USH2A: variants seen among roughly 807,000 people sequenced by gnomAD.
USH2A encodes usherin.
USH2A carries 443 observed loss-of-function variants against 538.9 expected under a neutral mutation model. The ratio of observed to expected loss-of-function variants is 0.82; its 90% confidence interval spans 0.76 to 0.89. USH2A has a LOEUF of 0.89. USH2A is among the 40% of genes least tolerant of loss of function. The pLI is 0.00. For synonymous variants in USH2A, 2,413 were observed against 2,273.5 expected (o/e 1.06, Z -1.75); for missense variants, 6,633 against 6,324.8 (o/e 1.05, Z -1.65).
chr1:215,936,291 T>A (rs954341857), intron 37 of USH2A, among the ~76,000 whole-genome samples: 1 of 152,058 alleles, frequency 6.6e-6, no homozygotes, highest in African/African-American at 2.4e-5. Context: ...TGATCTTGCA[T>A]CGTATAGTAT....
chr1:216,302,482 C>G (rs1243179886), intron 9 of USH2A, among the ~76,000 whole-genome samples: 1 of 151,938 alleles, frequency 6.6e-6, no homozygotes, highest in Non-Finnish European at 1.5e-5. Context: ...ATGACATATC[C>G]CTTTTTCAGT....
chr1:216,033,959 A>C (rs1167425417), intron 32 of USH2A, among the ~76,000 whole-genome samples: 1 of 152,210 alleles, frequency 6.6e-6, no homozygotes, highest in Non-Finnish European at 1.5e-5. Flanking sequence ...AAGATAAAAA[A>C]CTCAGAAAAA....
At position 215,983,658 on chromosome 1, in the gene USH2A, G is replaced by A. The variant is rs375435922; in HGVS notation, c.6805+9362C>T. On this transcript the variant is annotated intron_variant, in intron 35 of 71. Coordinates refer to ENST00000307340, the MANE Select transcript of USH2A (RefSeq NM_206933.4). ...ACACACACACAAAAAACACCTCTCC[G>A]TGTTAAATGTGGATTAAATAAAATT... Among the ~76,000 whole-genome samples the A allele has an allele frequency of 1.4e-4, 21 of 152,210 alleles. No individual in the cohort carries two copies. In the South Asian group the frequency reaches 1.7e-3, roughly 12 times the overall value.
At chr1:216,136,071 A>G (rs2033481868) in intron 21 of USH2A, among the ~76,000 whole-genome samples, 1 of 152,116 alleles carries the variant, frequency 6.6e-6, no homozygotes, top group South Asian at 2.1e-4. Context: ...TTGCATATTA[A>G]TACCCTCATG....
intron 19 of USH2A, among the ~76,000 whole-genome samples, chr1:216,196,256 T>A (rs2034839510): frequency 6.6e-6 from 1 of 152,088 alleles, no homozygotes; most frequent in South Asian, 2.1e-4. Context: ...AACATGATAG[T>A]ACACAGTTAA....
chr1:216,123,260 T>C (rs1383544836), intron 21 of USH2A, among the ~76,000 whole-genome samples: 1 of 152,148 alleles, frequency 6.6e-6, no homozygotes, highest in African/African-American at 2.4e-5. Flanking sequence ...TTGCAGAAAA[T>C]ACAGAAGGAT....
chr1:215,921,618 G>C (rs938412698), intron 38 of USH2A, among the ~76,000 whole-genome samples: 2 of 152,038 alleles, frequency 1.3e-5, no homozygotes, highest in African/African-American at 2.4e-5. Flanking sequence ...CATATGAACA[G>C]TCAGTAGAAG....
At chr1:215,630,386 A>ATACATAC (rs1239909326) in intron 70 of USH2A, 4 of 408,412 alleles carry the variant, frequency 9.8e-6, no homozygotes, top group African/African-American at 8.3e-5. Context: ...ATATCCTAGG[A>ATACATAC]TACATACCTG....
At chr1:216,182,225 T>G (rs2034508353) in intron 20 of USH2A, among the ~76,000 whole-genome samples, 1 of 152,106 alleles carries the variant, frequency 6.6e-6, no homozygotes, top group African/African-American at 2.4e-5. Flanking sequence ...TTTTGCCTAT[T>G]TAATTTCTTT....
chr1:216,040,597 G>A (rs2030231981), intron 32 of USH2A, among the ~76,000 whole-genome samples: 1 of 151,958 alleles, frequency 6.6e-6, no homozygotes, highest in African/African-American at 2.4e-5. Flanking sequence ...CTACAGTCTG[G>A]ATAGTCATCA....
intron 35 of USH2A, 68 bp downstream of exon 35, chr1:215,992,952 G>C: frequency 1.2e-6 from 2 of 1,604,862 alleles, no homozygotes; most frequent in Non-Finnish European, 1.7e-6. Context: ...CATATAAGCT[G>C]CCATTTAGAA....
intron 4 of USH2A, among the ~76,000 whole-genome samples, chr1:216,356,390 T>C (rs2038392363): frequency 6.6e-6 from 1 of 152,052 alleles, no homozygotes; most frequent in Admixed American, 6.6e-5. Flanking sequence ...TTTTAATTCT[T>C]ATTATAAAAT....
Position 216,289,547 on chromosome 1 carries a change from AC to A in USH2A, c.1841-138del, listed in dbSNP as rs1571665571. ...CCGTTTTAATGCACCTTTCATCTCT[AC>A]CTGCCAATTTAGTGATCCAGAGCAT... On this transcript the variant is annotated intron_variant, in intron 10 of 71. Transcript: ENST00000307340. 5.2e-6 allele frequency: 6 copies of A among 1,144,508 alleles called. No homozygotes were observed. In the East Asian group the frequency reaches 1.5e-4, roughly 29 times the overall value. 70.9% of individuals were successfully genotyped at this position (1,144,508 alleles called of 1,614,324 possible). A position where few individuals can be genotyped will look rare whatever the true frequency, so the allele number is the denominator to read the frequency against.
chr1:215,699,409 A>G (rs180910595), intron 61 of USH2A, among the ~76,000 whole-genome samples: 1 of 152,312 alleles, frequency 6.6e-6, no homozygotes, highest in East Asian at 1.9e-4. Flanking sequence ...TACTTTGGGC[A>G]GTATGGCCAT....
intron 30 of USH2A, among the ~76,000 whole-genome samples, chr1:216,066,711 A>T (rs2031386933): frequency 6.6e-6 from 1 of 152,174 alleles, no homozygotes; most frequent in South Asian, 2.1e-4. Flanking sequence ...AAGCAAACAG[A>T]GGTTTATTGA....
At chr1:215,756,590 C>T (rs1294519620) in intron 58 of USH2A, among the ~76,000 whole-genome samples, 1 of 151,998 alleles carries the variant, frequency 6.6e-6, no homozygotes, top group Non-Finnish European at 1.5e-5. Flanking sequence ...TTTTGTGGTG[C>T]AAAAACACAA....
chr1:216,266,828 T>C (rs2036482113), intron 11 of USH2A, among the ~76,000 whole-genome samples: 1 of 151,968 alleles, frequency 6.6e-6, no homozygotes, highest in Non-Finnish European at 1.5e-5. Context: ...TTATTGAATC[T>C]AGGAAGAATG....
rs893980098 is a variant in USH2A, at chr1:215,673,952, C to T, written c.13811+148G>A. ...CAGGCTTTGCTTGGGTGAGGATGTGCTTTGTCTACTATGCACGTTTAGGTG... is the reference window on the plus strand; with the variant it reads ...CAGGCTTTGCTTGGGTGAGGATGTGTTTTGTCTACTATGCACGTTTAGGTG... On this transcript the variant is annotated intron_variant, in intron 63 of 71. Coordinates refer to ENST00000307340, the MANE Select transcript of USH2A (RefSeq NM_206933.4). 5 of 1,384,142 alleles carry T rather than the reference C, an allele frequency of 3.6e-6. No homozygotes were observed. The Admixed American group carries it at 8.9e-5, about 25-fold the overall frequency. The allele number at this position is 1,384,142 out of a possible 1,614,324, so 85.7% of individuals were successfully genotyped here.
intron 32 of USH2A, among the ~76,000 whole-genome samples, chr1:216,001,099 C>T (rs1400683975): frequency 6.6e-6 from 1 of 152,124 alleles, no homozygotes; most frequent in Non-Finnish European, 1.5e-5. Flanking sequence ...CCTAACACTC[C>T]TTGCTGTCAC....
Sources: allele counts gnomAD v4.1 joint callset (sites outside exome capture counted in the v4.1 genomes callset), GRCh38; gene constraint gnomAD v4.1.1; transcripts MANE v1.5; gene names NCBI Gene and HGNC (gene_info 2026-07-23, HGNC 2026-07-21).